Variants in YAP1 observed in about 807,000 individuals in gnomAD.
YAP1 encodes the protein Yes1 associated transcriptional regulator.
In YAP1, 5 loss-of-function variants were observed where a neutral mutation model predicts 56.9. The observed-to-expected ratio is 0.09, with a 90% CI of 0.05 to 0.18. The LOEUF (loss-of-function observed/expected upper bound fraction) is 0.18. YAP1 is among the 10% of genes least tolerant of loss of function. The probability of loss-of-function intolerance (pLI) is 1.00; values close to 1 mark genes in which losing one functional copy is unlikely to be tolerated. For missense variants in YAP1, 539 were observed against 651.8 expected (o/e 0.83, Z 1.88); for synonymous variants, 265 against 248.1 (o/e 1.07, Z -0.64).
intron 2 of YAP1, among the ~76,000 whole-genome samples, chr11:102,119,856 A>G (rs1341438528): frequency 6.6e-6 from 1 of 152,230 alleles, no homozygotes. Context: ...ATTTAAGCTT[A>G]GGACCAATCA....
intron 3 of YAP1, among the ~76,000 whole-genome samples, chr11:102,178,378 G>T (rs1205331775): frequency 6.6e-6 from 1 of 152,088 alleles, no homozygotes; most frequent in Non-Finnish European, 1.5e-5. Flanking sequence ...CCCAAATTGT[G>T]GGGCAGGTGA....
chr11:102,116,340 G>A (rs927403354), intron 2 of YAP1, among the ~76,000 whole-genome samples: 3 of 152,132 alleles, frequency 2.0e-5, no homozygotes, highest in Non-Finnish European at 2.9e-5. Context: ...CAAATATTAT[G>A]CCACCTTATA....
intron 4 of YAP1, among the ~76,000 whole-genome samples, chr11:102,204,598 G>A (rs1949029858): frequency 6.6e-6 from 1 of 152,138 alleles, no homozygotes; most frequent in Non-Finnish European, 1.5e-5. Flanking sequence ...TAGTCTCCAA[G>A]AAGAAATGGC....
intron 2 of YAP1, among the ~76,000 whole-genome samples, chr11:102,132,182 C>A (rs12790160): frequency 6.6e-6 from 1 of 151,998 alleles, no homozygotes; most frequent in Non-Finnish European, 1.5e-5. Context: ...AGAGAAAAGT[C>A]ATGAGGTAGT....
chr11:102,133,209 G>A (rs1334098758), intron 2 of YAP1, among the ~76,000 whole-genome samples: 1 of 152,094 alleles, frequency 6.6e-6, no homozygotes, highest in African/African-American at 2.4e-5. Context: ...AAAATACTAG[G>A]ATTTTACTTA....
chr11:102,205,660 T>A (rs1222644499), intron 4 of YAP1, among the ~76,000 whole-genome samples: 2 of 152,062 alleles, frequency 1.3e-5, no homozygotes, highest in South Asian at 4.2e-4. Flanking sequence ...CCTTATTGCA[T>A]GTTAAAACTA....
chr11:102,111,511 G>C lies in YAP1; in HGVS notation c.321+342G>C, dbSNP rs573456829. Among the ~76,000 whole-genome samples the C allele has an allele frequency of 7.4e-4, 59 of 79,740 alleles. 1 individual carries two copies. The highest frequency in any genetic ancestry group is 7.8e-4 in the Non-Finnish European group (29 of 37,182). The allele number at this position is 79,740 out of a possible 152,430, so 52.3% of individuals were successfully genotyped here. ...GGAGGAGGGGTGGGGAGGAAGGAAG[G>C]GGGTGGGGAAAAGTCGGGCCTGGGC... On this transcript the variant is annotated intron_variant, in intron 1 of 8. Coordinates refer to ENST00000282441, the MANE Select transcript of YAP1 (RefSeq NM_001130145.3).
chr11:102,203,082 G>A (rs1948956861), intron 4 of YAP1, among the ~76,000 whole-genome samples: 1 of 152,164 alleles, frequency 6.6e-6, no homozygotes, highest in African/African-American at 2.4e-5. Context: ...TAAAACAGTG[G>A]TCCTCAGAGC....
intron 3 of YAP1, among the ~76,000 whole-genome samples, chr11:102,185,282 A>T (rs1266394494): frequency 6.6e-6 from 1 of 152,220 alleles, no homozygotes; most frequent in African/African-American, 2.4e-5. Context: ...TCCTATAAAG[A>T]TAGGAAAATC....
chr11:102,202,778 G>T (rs1948939701), intron 4 of YAP1, among the ~76,000 whole-genome samples: 1 of 152,086 alleles, frequency 6.6e-6, no homozygotes. Context: ...ACCTAAAATG[G>T]ATATAATAAG....
At chr11:102,221,028 C>T (rs1237198205) in intron 6 of YAP1, among the ~76,000 whole-genome samples, 1 of 152,122 alleles carries the variant, frequency 6.6e-6, no homozygotes, top group African/African-American at 2.4e-5. Context: ...AGTGGCTGTG[C>T]AATGGGTGTT....
intron 6 of YAP1, among the ~76,000 whole-genome samples, chr11:102,219,955 A>C (rs751195061): frequency 1.1e-4 from 17 of 151,772 alleles, no homozygotes; most frequent in Non-Finnish European, 2.4e-4. Context: ...GCTGGTCTCC[A>C]ACTCCTGACC....
intron 6 of YAP1, among the ~76,000 whole-genome samples, chr11:102,210,304 G>T (rs1163249600): frequency 1.3e-5 from 2 of 152,078 alleles, no homozygotes; most frequent in Non-Finnish European, 2.9e-5. Context: ...ACTTCTCTTG[G>T]GGCAGAAGCA....
chr11:102,121,088 A>G (rs1315868675), intron 2 of YAP1, among the ~76,000 whole-genome samples: 1 of 140,688 alleles, frequency 7.1e-6, no homozygotes, highest in Non-Finnish European at 1.5e-5. Context: ...TTCCTTTCCA[A>G]AGTTTCAGTT....
intron 2 of YAP1, among the ~76,000 whole-genome samples, chr11:102,129,404 A>T (rs1944239609): frequency 6.6e-6 from 1 of 151,942 alleles, no homozygotes; most frequent in Non-Finnish European, 1.5e-5. Flanking sequence ...GTGGATCACG[A>T]GGTCAGGAGT....
chr11:102,142,198 TCTAACA>T (rs2135295430), intron 2 of YAP1, among the ~76,000 whole-genome samples: 1 of 135,948 alleles, frequency 7.4e-6, no homozygotes, highest in Admixed American at 8.0e-5. Context: ...GAATAAAAGC[TCTAACA>T]GTGACATTAT....
intron 2 of YAP1, among the ~76,000 whole-genome samples, chr11:102,149,080 A>G (rs2135335437): frequency 6.6e-6 from 1 of 152,344 alleles, no homozygotes; most frequent in East Asian, 1.9e-4. Flanking sequence ...ACAGTTTGAA[A>G]TATGAGTTCC....
intron 2 of YAP1, among the ~76,000 whole-genome samples, chr11:102,143,574 A>G (rs922353971): frequency 2.0e-5 from 3 of 152,104 alleles, no homozygotes; most frequent in African/African-American, 7.2e-5. Context: ...TATTTTATGT[A>G]TGTGCGATAA....
intron 1 of YAP1, among the ~76,000 whole-genome samples, chr11:102,111,794 T>G (rs1341381425): frequency 6.6e-6 from 1 of 152,190 alleles, no homozygotes; most frequent in Non-Finnish European, 1.5e-5. Flanking sequence ...CCGGTCCATT[T>G]AGTTTTTTGC....
Sources: gnomAD v4.1 joint callset for allele counts (sites outside exome capture counted in the v4.1 genomes callset) on GRCh38, gnomAD v4.1.1 for gene constraint, MANE v1.5 for transcripts, NCBI Gene and HGNC (gene_info 2026-07-23, HGNC 2026-07-21) for gene names.